Variants in ARK2C observed in about 807,000 individuals in gnomAD.
ARK2C encodes the protein arkadia (RNF111) C-terminal like ring finger ubiquitin ligase 2C, also known as E3 ubiquitin-protein ligase ARK2C.
At chr18:46,425,411 G>A in the ARK2C span, among the ~76,000 whole-genome samples, 1 of 152,236 alleles carries the variant, frequency 6.6e-6, no homozygotes, top group Non-Finnish European at 1.5e-5. Context: ...GGCAGGCCAG[G>A]TAGAGATGTC....
the ARK2C span, among the ~76,000 whole-genome samples, chr18:46,383,685 G>T: frequency 6.6e-6 from 1 of 151,514 alleles, no homozygotes; most frequent in Non-Finnish European, 1.5e-5. Flanking sequence ...CTCCCGAGTA[G>T]CTGGGACTAC....
At chr18:46,383,476 G>T in the ARK2C span, among the ~76,000 whole-genome samples, 4 of 151,152 alleles carry the variant, frequency 2.6e-5, no homozygotes, top group African/African-American at 9.7e-5. Context: ...TATCTAGCAG[G>T]ACAGTAAAAC....
the ARK2C span, chr18:46,336,824 C>T: frequency 1.0e-6 from 1 of 985,240 alleles, no homozygotes; most frequent in East Asian, 1.1e-4. Context: ...TTCTTGGCAG[C>T]ACCCAGGCAT....
chr18:46,391,487 C>T, the ARK2C span, among the ~76,000 whole-genome samples: 120 of 152,236 alleles, frequency 7.9e-4, 1 homozygote, highest in African/African-American at 2.8e-3. Flanking sequence ...TGTCCTCATC[C>T]GTCATGTGTG....
chr18:46,425,149 G>A, the ARK2C span, among the ~76,000 whole-genome samples: 1 of 152,228 alleles, frequency 6.6e-6, no homozygotes, highest in Non-Finnish European at 1.5e-5. Flanking sequence ...GGCTGGCTCA[G>A]TAGCTGAGCA....
chr18:46,403,940 C>T, the ARK2C span, among the ~76,000 whole-genome samples: 1 of 152,160 alleles, frequency 6.6e-6, no homozygotes, highest in African/African-American at 2.4e-5. Flanking sequence ...CATCTACCAA[C>T]TTGGGTGACC....
At chr18:46,369,919 G>A in the ARK2C span, among the ~76,000 whole-genome samples, 2 of 152,142 alleles carry the variant, frequency 1.3e-5, no homozygotes, top group Admixed American at 6.5e-5. Context: ...CCACTCTTGG[G>A]AGAGCTGCTG....
the ARK2C span, among the ~76,000 whole-genome samples, chr18:46,450,052 C>T: frequency 6.6e-6 from 1 of 152,214 alleles, no homozygotes; most frequent in African/African-American, 2.4e-5. Context: ...ACGTTAAGTG[C>T]TTAGAACAGT....
chr18:46,452,113 T>A, the ARK2C span, among the ~76,000 whole-genome samples: 1 of 152,178 alleles, frequency 6.6e-6, no homozygotes, highest in African/African-American at 2.4e-5. Context: ...GATAGAATGG[T>A]GCAACACAGA....
chr18:46,447,643 C>G, the ARK2C span: 7 of 1,613,980 alleles, frequency 4.3e-6, no homozygotes, highest in Admixed American at 8.3e-5. Context: ...CATTACCTAG[C>G]CACTCCTCGA....
At chr18:46,357,323 C>T in the ARK2C span, among the ~76,000 whole-genome samples, 1 of 152,156 alleles carries the variant, frequency 6.6e-6, no homozygotes, top group African/African-American at 2.4e-5. Flanking sequence ...CTGTAGTGAA[C>T]AGAGCCCAGG....
At chr18:46,367,665 T>C in the ARK2C span, among the ~76,000 whole-genome samples, 2 of 152,318 alleles carry the variant, frequency 1.3e-5, no homozygotes, top group Middle Eastern at 3.4e-3. Flanking sequence ...TGTATTCATA[T>C]GACTTTTGGC....
chr18:46,456,323 C>T, the ARK2C span, among the ~76,000 whole-genome samples: 1 of 152,154 alleles, frequency 6.6e-6, no homozygotes, highest in Non-Finnish European at 1.5e-5. Context: ...GGTCTGAATG[C>T]GTCTAAGACA....
chr18:46,384,530 C>G, the ARK2C span, among the ~76,000 whole-genome samples: 3 of 152,168 alleles, frequency 2.0e-5, no homozygotes, highest in Non-Finnish European at 2.9e-5. Flanking sequence ...GATACACACC[C>G]CATGATACAC....
At chr18:46,431,588 G>T in the ARK2C span, among the ~76,000 whole-genome samples, 1 of 152,186 alleles carries the variant, frequency 6.6e-6, no homozygotes, top group Non-Finnish European at 1.5e-5. Context: ...AGTAGAAGAG[G>T]AGAGGGATTC....
chr18:46,430,895 C>T, the ARK2C span, among the ~76,000 whole-genome samples: 1 of 152,102 alleles, frequency 6.6e-6, no homozygotes, highest in African/African-American at 2.4e-5. Flanking sequence ...TCCTCGAGTT[C>T]ATTGTTTAAA....
the ARK2C span, among the ~76,000 whole-genome samples, chr18:46,357,845 G>A: frequency 1.1e-3 from 168 of 152,326 alleles, no homozygotes; most frequent in Non-Finnish European, 1.8e-3. Context: ...AGCTGTCCGC[G>A]GGGCCAGCCG....
chr18:46,351,640 C>T, the ARK2C span, among the ~76,000 whole-genome samples: 4 of 152,168 alleles, frequency 2.6e-5, no homozygotes, highest in East Asian at 1.9e-4. Flanking sequence ...TAGGCATCAT[C>T]TCTTTGTCCT....
the ARK2C span, among the ~76,000 whole-genome samples, chr18:46,413,388 A>T: frequency 2.0e-5 from 3 of 152,058 alleles, no homozygotes; most frequent in Admixed American, 2.0e-4. Flanking sequence ...ACAGCCTTGT[A>T]GGGCTTTCCT....
Sources: gnomAD v4.1 joint callset for allele counts (sites outside exome capture counted in the v4.1 genomes callset) on GRCh38, gnomAD v4.1.1 for gene constraint, MANE v1.5 for transcripts, NCBI Gene and HGNC (gene_info 2026-07-23, HGNC 2026-07-21) for gene names.